ZNF623: variants seen among roughly 807,000 people sequenced by gnomAD.
ZNF623 encodes the protein zinc finger protein 623.
ZNF623 carries 16 observed loss-of-function variants against 24.0 expected under a neutral mutation model. The observed-to-expected ratio is 0.67, with a 90% CI of 0.45 to 1.01. ZNF623 has a LOEUF of 1.01. ZNF623 is among the 50% of genes least tolerant of loss of function. The probability of loss-of-function intolerance (pLI) is 0.00; values close to 1 mark genes in which losing one functional copy is unlikely to be tolerated. For missense variants in ZNF623, 566 were observed against 606.5 expected, an observed-to-expected ratio of 0.93 and a Z score of 0.70; for synonymous variants, 224 against 219.8, an observed-to-expected ratio of 1.02 and a Z score of -0.17.
chr8:143,650,668 A>G lies in ZNF623; in HGVS notation c.676A>G (p.Asn226Asp). 6.2e-7 allele frequency: 1 copy of G among 1,614,160 alleles called. No homozygotes were observed. The highest frequency in any genetic ancestry group is 8.5e-7 in the Non-Finnish European group (1 of 1,180,032). The change falls in exon 2 of 2, where the codon AAT becomes GAT. Residue 226 changes from asparagine to aspartate, a missense_variant. This residue lies in a region of ZNF623 where 313 missense variants were observed against 300.4 expected (regional missense o/e 1.04). Coordinates refer to ENST00000526926, the MANE Select transcript of ZNF623 (RefSeq NM_001261843.2). The surrounding 1 kb of genome is among the most constrained non-coding windows in gnomAD (Gnocchi z 5.2). The part of the protein sequence containing the change: ...IHTGERPYEC[N>D]ECGKSFIRSS... Reference sequence around the variant, plus strand: ...CACGGGAGAAAGGCCCTATGAGTGCAATGAATGTGGGAAATCCTTCATAAG... The same window carrying G: ...CACGGGAGAAAGGCCCTATGAGTGCGATGAATGTGGGAAATCCTTCATAAG...
chr8:143,647,906 A>T (rs185386437), intron 1 of ZNF623, among the ~76,000 whole-genome samples: 10 of 152,176 alleles, frequency 6.6e-5, no homozygotes, highest in Non-Finnish European at 1.0e-4. Flanking sequence ...TTTTGAACAG[A>T]TGTGGAGTGT....
At chr8:143,643,921 A>G (rs892764171) in intron 1 of ZNF623, among the ~76,000 whole-genome samples, 1 of 152,182 alleles carries the variant, frequency 6.6e-6, no homozygotes, top group African/African-American at 2.4e-5. Context: ...TCTGCAGGGT[A>G]GGCTTGCAGT....
rs2131458112 is a variant in ZNF623, at chr8:143,650,568, GAGACCTTTTGAA to G, written c.577_588del (p.Arg193_Glu196del). 6.2e-7 allele frequency: 1 copy of G among 1,614,224 alleles called. No homozygotes were observed. Among genetic ancestry groups the G allele is most frequent in the Non-Finnish European group, 8.5e-7 (1 of 1,180,048 alleles). ...GGCACCAGAGAGTTCACACCAGAGA[GAGACCTTTTGAA>G]TGCAAAGAGTGTGGGAAAGGCTTCA... On this transcript the variant is annotated inframe_deletion, in exon 2 of 2. Coordinates refer to ENST00000526926, the MANE Select transcript of ZNF623 (RefSeq NM_001261843.2). The surrounding 1 kb of genome is among the most constrained non-coding windows in gnomAD (Gnocchi z 5.2).
Position 143,652,324 on chromosome 8 carries a change from G to C in ZNF623, c.*841G>C, listed in dbSNP as rs551166152. The C allele has an allele frequency of 6.0e-6, 1 of 167,188 alleles. No homozygotes were observed. Among genetic ancestry groups the C allele is most frequent in the African/African-American group, 2.4e-5 (1 of 41,558 alleles). 10.4% of individuals were successfully genotyped at this position (167,188 alleles called of 1,614,324 possible). A position where few individuals can be genotyped will look rare whatever the true frequency, so the allele number is the denominator to read the frequency against. On this transcript the variant is annotated 3_prime_UTR_variant, in exon 2 of 2. Transcript: ENST00000526926. ...CTGAGGACAGTGATCATATCTGATT[G>C]ATTTCCATGTGTCCACTGTCTAGCA...
chr8:143,638,201 T>C (rs4298500), intron 1 of ZNF623, among the ~76,000 whole-genome samples: 150,034 of 152,136 alleles, frequency 0.99, 74,010 homozygotes, highest in East Asian at 1. Flanking sequence ...GTTAGCCAGG[T>C]GTGGTGGCAC....
chr8:143,648,369 A>G (rs1223727616), intron 1 of ZNF623, among the ~76,000 whole-genome samples: 1 of 152,066 alleles, frequency 6.6e-6, no homozygotes, highest in Non-Finnish European at 1.5e-5. Context: ...AAGTGTGGCC[A>G]TAGCTGACCC....
At position 143,650,991 on chromosome 8, in the gene ZNF623, ACT is replaced by A. The variant is rs749947684; in HGVS notation, c.1002_1003del (p.Tyr335Ter). Reference sequence around the variant, plus strand: ...ATCAGAGAATTCACACTGGAGAGAAACTCTATGAATGTAACGAGTGTGGGAAA... The same window carrying A: ...ATCAGAGAATTCACACTGGAGAGAAACTATGAATGTAACGAGTGTGGGAAA... ...QHQRIHTGEK[L>X]YECNECGKAF... On this transcript the variant is annotated frameshift_variant, in exon 2 of 2. Coordinates refer to ENST00000526926, the MANE Select transcript of ZNF623 (RefSeq NM_001261843.2). LOFTEE classifies it high-confidence loss of function. This position sits in a 1 kb window ranked among gnomAD's most constrained non-coding sequence, Gnocchi z 5.2. The A allele has an allele frequency of 3.1e-6, 5 of 1,613,764 alleles. No homozygotes were observed. The highest frequency in any genetic ancestry group is 2.2e-5 in the South Asian group (2 of 91,072).
intron 1 of ZNF623, among the ~76,000 whole-genome samples, chr8:143,642,661 T>C (rs1037405595): frequency 6.6e-5 from 10 of 152,188 alleles, no homozygotes; most frequent in African/African-American, 2.2e-4. Context: ...CTAATTAGCC[T>C]AATCTCAATA....
chr8:143,644,745 G>C (rs1313027509), intron 1 of ZNF623, among the ~76,000 whole-genome samples: 1 of 149,508 alleles, frequency 6.7e-6, no homozygotes, highest in African/African-American at 2.5e-5. Context: ...CACAAGAATT[G>C]CTTGAACCCA....
In ZNF623 at chr8:143,636,043, G is replaced by T. The variant is rs4873812; in HGVS notation, c.-198G>T. The T allele has an allele frequency of 0.18, 26,955 of 152,470 alleles. 2,731 individuals are homozygous for T. The highest frequency in any genetic ancestry group is 0.46 in the East Asian group (2,360 of 5,144). The allele number at this position is 152,470 out of a possible 1,614,324, so 9.4% of individuals were successfully genotyped here. A position where few individuals can be genotyped will look rare whatever the true frequency, so the allele number is the denominator to read the frequency against. On this transcript the variant is annotated 5_prime_UTR_variant, in exon 1 of 2. Coordinates refer to ENST00000526926, the MANE Select transcript of ZNF623 (RefSeq NM_001261843.2). ...CGACTTCCGGTCGCGGCGGGCTGGC[G>T]GCGGTGCAGGCTTTGTCGGCTGATC...
intron 1 of ZNF623, among the ~76,000 whole-genome samples, chr8:143,640,941 TAAAAAAAAAAAAAAA>T: frequency 3.1e-5 from 2 of 65,556 alleles, no homozygotes; most frequent in Admixed American, 4.1e-4. Context: ...ACTCTGTCTT[TAAAAAAAAAAAAAAA>T]AAAAAAAAAA....
chr8:143,644,723 C>G (rs1815132046), intron 1 of ZNF623, among the ~76,000 whole-genome samples: 3 of 151,286 alleles, frequency 2.0e-5, no homozygotes, highest in South Asian at 4.2e-4. Flanking sequence ...AGCCCCATCT[C>G]TACTAAAAAT....
chr8:143,645,349 G>A (rs980505551), intron 1 of ZNF623, among the ~76,000 whole-genome samples: 2 of 150,642 alleles, frequency 1.3e-5, no homozygotes, highest in East Asian at 2.0e-4. Context: ...GGAGAATGGC[G>A]TGAACCCAGG....
rs1353751195 is a variant in ZNF623, at chr8:143,636,086, C to CG, written c.-151dup. The CG allele has an allele frequency of 6.6e-6, 1 of 152,130 alleles. No homozygotes were observed. Among genetic ancestry groups the CG allele is most frequent in the Non-Finnish European group, 1.5e-5 (1 of 68,016 alleles). The allele number at this position is 152,130 out of a possible 1,614,324, so 9.4% of individuals were successfully genotyped here. A position where few individuals can be genotyped will look rare whatever the true frequency, so the allele number is the denominator to read the frequency against. ...GGCTGATCTGTGGGGCCCGCGCCGG[C>CG]GGGGTCCAGTCAGCGGCTGCAGGGT... On this transcript the variant is annotated 5_prime_UTR_variant, in exon 1 of 2. Coordinates refer to ENST00000526926, the MANE Select transcript of ZNF623 (RefSeq NM_001261843.2).
chr8:143,648,904 A>G (rs1337716083), intron 1 of ZNF623, among the ~76,000 whole-genome samples: 3 of 151,926 alleles, frequency 2.0e-5, no homozygotes, highest in Admixed American at 6.6e-5. Context: ...GAGAAGTGGA[A>G]GGTCCTGTGG....
chr8:143,650,344 A>G lies in ZNF623; in HGVS notation c.352A>G (p.Lys118Glu), dbSNP rs1210699091. The G allele has an allele frequency of 1.9e-6, 3 of 1,614,126 alleles. No homozygotes were observed. In the African/African-American group the frequency reaches 4.0e-5, roughly 22 times the overall value. ...EKPYTCDQCG[K>E]GFGQSSHLME... Reference sequence around the variant, plus strand: ...ACCTTACACGTGCGATCAGTGTGGGAAAGGCTTTGGCCAGAGCTCACACCT... The same window carrying G: ...ACCTTACACGTGCGATCAGTGTGGGGAAGGCTTTGGCCAGAGCTCACACCT... The change falls in exon 2 of 2, where the codon AAA becomes GAA. Residue 118 changes from lysine to glutamate, a missense_variant. Around this residue, in one of 3 missense-constraint regions of ZNF623, gnomAD observed 313 missense variants for 300.4 expected, o/e 1.04. Transcript: ENST00000526926. The surrounding 1 kb of genome is among the most constrained non-coding windows in gnomAD (Gnocchi z 5.2).
In ZNF623 at chr8:143,650,652, A is replaced by G; in HGVS notation, c.660A>G (p.Glu220=). ...LIRHQRIHTG[E]RPYECNECGK... ...GCCATCAGAGGATTCACACGGGAGA[A>G]AGGCCCTATGAGTGCAATGAATGTG... The change falls in exon 2 of 2, where the codon GAA becomes GAG. Residue 220 remains glutamate (E), a synonymous_variant. Transcript: ENST00000526926. The surrounding 1 kb of genome is among the most constrained non-coding windows in gnomAD (Gnocchi z 5.2). 6.2e-7 allele frequency: 1 copy of G among 1,613,068 alleles called. No individual in the cohort carries two copies. Among genetic ancestry groups the G allele is most frequent in the South Asian group, 1.1e-5 (1 of 91,004 alleles).
intron 1 of ZNF623, among the ~76,000 whole-genome samples, chr8:143,641,836 A>G (rs1815060725): frequency 1.3e-5 from 2 of 152,212 alleles, no homozygotes; most frequent in Admixed American, 1.3e-4. Context: ...AATACTCCAT[A>G]AACCATGCTG....
intron 1 of ZNF623, among the ~76,000 whole-genome samples, chr8:143,638,350 A>AC (rs1182650166): frequency 6.6e-6 from 1 of 151,086 alleles, no homozygotes; most frequent in African/African-American, 2.4e-5. Flanking sequence ...TAAAAAAAAA[A>AC]AAAAAACTTT....
Sources: gnomAD v4.1 joint callset for allele counts (sites outside exome capture counted in the v4.1 genomes callset) on GRCh38, gnomAD v4.1.1 for gene constraint, gnomAD v4.1.1 regional missense constraint, Gnocchi (gnomAD v3.1) non-coding constraint, MANE v1.5 for transcripts, NCBI Gene and HGNC (gene_info 2026-07-23, HGNC 2026-07-21) for gene names.